The following TGFA variants were observed in gnomAD, a reference collection of about 807,000 sequenced individuals.
The protein encoded by TGFA is transforming growth factor alpha, also known as protransforming growth factor alpha.
In TGFA, 12 loss-of-function variants were observed where a neutral mutation model predicts 21.7. The observed-to-expected ratio is 0.55, with a 90% confidence interval of 0.35 to 0.90. TGFA has a LOEUF of 0.90. Ranked by LOEUF, TGFA falls within the 40% of genes least tolerant of loss-of-function variation. The probability of loss-of-function intolerance (pLI) is 0.01; values close to 1 mark genes in which losing one functional copy is unlikely to be tolerated. For missense variants in TGFA, 178 were observed against 210.8 expected, an observed-to-expected ratio of 0.84 and a Z score of 0.96; for synonymous variants, 79 against 88.1, an observed-to-expected ratio of 0.90 and a Z score of 0.58.
intron 2 of TGFA, among the ~76,000 whole-genome samples, chr2:70,487,921 A>G (rs1671314313): frequency 6.6e-6 from 1 of 152,162 alleles, no homozygotes; most frequent in Non-Finnish European, 1.5e-5. Flanking sequence ...ATTTGTAACA[A>G]TTTACACTCC....
At chr2:70,539,140 G>A (rs1412810436) in intron 1 of TGFA, among the ~76,000 whole-genome samples, 1 of 152,188 alleles carries the variant, frequency 6.6e-6, no homozygotes, top group Admixed American at 6.5e-5. Context: ...TAGGCATAAT[G>A]CTATTGCACA....
intron 5 of TGFA, among the ~76,000 whole-genome samples, chr2:70,452,967 C>T (rs181216877): frequency 2.6e-5 from 4 of 152,146 alleles, no homozygotes; most frequent in African/African-American, 9.6e-5. Context: ...AACAACAAAA[C>T]AAAAAAACTC....
chr2:70,509,773 G>T (rs1339368004), intron 2 of TGFA, among the ~76,000 whole-genome samples: 1 of 152,158 alleles, frequency 6.6e-6, no homozygotes, highest in Non-Finnish European at 1.5e-5. Flanking sequence ...TCATTAGAGT[G>T]AGTCTCATGG....
intron 2 of TGFA, among the ~76,000 whole-genome samples, chr2:70,493,266 G>A (rs1483814503): frequency 6.6e-6 from 1 of 152,226 alleles, no homozygotes. Context: ...GAGCATGTGA[G>A]GAGACTCAGG....
intron 1 of TGFA, among the ~76,000 whole-genome samples, chr2:70,539,409 C>T (rs1474240106): frequency 1.3e-5 from 2 of 151,862 alleles, no homozygotes; most frequent in African/African-American, 4.8e-5. Flanking sequence ...AAAAAAATCA[C>T]AATTTACATA....
At chr2:70,546,128 A>T (rs183055470) in intron 1 of TGFA, among the ~76,000 whole-genome samples, 68 of 152,306 alleles carry the variant, frequency 4.5e-4, no homozygotes, top group African/African-American at 1.5e-3. Context: ...TTTATTCTAA[A>T]TATTACAGGA....
chr2:70,483,365 A>G (rs1271917383), intron 2 of TGFA, among the ~76,000 whole-genome samples: 2 of 152,106 alleles, frequency 1.3e-5, no homozygotes, highest in Non-Finnish European at 2.9e-5. Context: ...CCATTCTCTG[A>G]GCAATTTTTA....
chr2:70,541,444 CA>C (rs1673128472), intron 1 of TGFA, among the ~76,000 whole-genome samples: 1 of 152,114 alleles, frequency 6.6e-6, no homozygotes, highest in Non-Finnish European at 1.5e-5. Flanking sequence ...GGACACCTGG[CA>C]GTTAAATCTA....
rs1670009741 is a variant in TGFA, at chr2:70,450,175, G to C, written c.*684C>G. ...CAGCAACACATACATCATTAATGTA[G>C]AAGTCTGAAGGGGTTTTATACTTTT... On this transcript the variant is annotated 3_prime_UTR_variant, in exon 6 of 6. Transcript: ENST00000295400. 1 of 152,216 alleles carries C rather than the reference G, an allele frequency of 6.6e-6. No homozygotes were observed. Among genetic ancestry groups the C allele is most frequent in the African/African-American group, 2.4e-5 (1 of 41,440 alleles). The allele number at this position is 152,216 out of a possible 1,614,324, so 9.4% of individuals were successfully genotyped here.
chr2:70,464,796 C>T (rs1325252730), intron 3 of TGFA, among the ~76,000 whole-genome samples: 1 of 152,174 alleles, frequency 6.6e-6, no homozygotes, highest in Non-Finnish European at 1.5e-5. Context: ...AGCTGGTCTC[C>T]TCTCTGTCTC....
intron 1 of TGFA, among the ~76,000 whole-genome samples, chr2:70,526,023 G>A (rs1335508390): frequency 2.0e-5 from 3 of 152,138 alleles, no homozygotes; most frequent in African/African-American, 7.2e-5. Flanking sequence ...AACTGTATAT[G>A]GGCAGATGTA....
Position 70,521,609 on chromosome 2 carries a change from G to GTTTTTT in TGFA, c.41-6698_41-6697insAAAAAA, listed in dbSNP as rs797022948. On this transcript the variant is annotated intron_variant, in intron 1 of 5. Transcript: ENST00000295400. The stretch of plus-strand genomic sequence containing the variant: ...ACTATTGATAGTTTTTTTTGTTGTT[G>GTTTTTT]TTTGTTTGTTTTTTTTTTTTTTTTT... Among the ~76,000 whole-genome samples, 72 of 78,856 alleles carry GTTTTTT rather than the reference G, an allele frequency of 9.1e-4. 4 individuals carry two copies. The highest frequency in any genetic ancestry group is 1.4e-3 in the South Asian group (3 of 2,070). The allele number at this position is 78,856 out of a possible 152,430, so 51.7% of individuals were successfully genotyped here. A position where few individuals can be genotyped will look rare whatever the true frequency, so the allele number is the denominator to read the frequency against.
chr2:70,476,080 C>CAAAAAAAAAAAAAAAAAAAAAA (rs1175233983), intron 2 of TGFA, among the ~76,000 whole-genome samples: 1 of 55,632 alleles, frequency 1.8e-5, no homozygotes, highest in Admixed American at 3.0e-4. Context: ...TAATTTTAAG[C>CAAAAAAAAAAAAAAAAAAAAAA]AAAAAAAAAA....
At chr2:70,465,071 G>C (rs1670511541) in intron 3 of TGFA, among the ~76,000 whole-genome samples, 1 of 152,238 alleles carries the variant, frequency 6.6e-6, no homozygotes, top group Non-Finnish European at 1.5e-5. Context: ...CAAGGAGGAT[G>C]ATGCTCAGCC....
chr2:70,456,695 G>GA (rs1553490640), intron 3 of TGFA, among the ~76,000 whole-genome samples: 1 of 152,236 alleles, frequency 6.6e-6, no homozygotes, highest in African/African-American at 2.4e-5. Flanking sequence ...AAGGGAAGGG[G>GA]AATCTAATCA....
chr2:70,541,735 C>A (rs1250853429), intron 1 of TGFA, among the ~76,000 whole-genome samples: 1 of 152,050 alleles, frequency 6.6e-6, no homozygotes, highest in Non-Finnish European at 1.5e-5. Context: ...CAGAGAGAGT[C>A]CAGATCCAGA....
intron 1 of TGFA, among the ~76,000 whole-genome samples, chr2:70,542,969 G>A (rs1673175909): frequency 6.6e-6 from 1 of 151,616 alleles, no homozygotes; most frequent in African/African-American, 2.4e-5. Flanking sequence ...CGGGCGTAGT[G>A]GCGGGCGCCT....
intron 1 of TGFA, among the ~76,000 whole-genome samples, chr2:70,536,995 T>C (rs1672987822): frequency 1.6e-5 from 2 of 124,918 alleles, no homozygotes; most frequent in Admixed American, 8.4e-5. Flanking sequence ...TCTTTTTCTT[T>C]TTCTTTTTTT....
At chr2:70,471,021 G>A (rs1373457542) in intron 2 of TGFA, among the ~76,000 whole-genome samples, 4 of 151,972 alleles carry the variant, frequency 2.6e-5, no homozygotes, top group Non-Finnish European at 4.4e-5. Context: ...AATCCACTAT[G>A]TAGAGAGAAC....
Sources: allele counts gnomAD v4.1 joint callset (sites outside exome capture counted in the v4.1 genomes callset), GRCh38; gene constraint gnomAD v4.1.1; transcripts MANE v1.5; gene names NCBI Gene and HGNC (gene_info 2026-07-23, HGNC 2026-07-21).